MGST2: variants seen among roughly 807,000 people sequenced by gnomAD.
MGST2 encodes glutathione peroxidase MGST2.
In MGST2, 9 loss-of-function variants were observed where a neutral mutation model predicts 16.6. The observed-to-expected ratio is 0.54, with a 90% CI of 0.33 to 0.95. The LOEUF (loss-of-function observed/expected upper bound fraction) is 0.95. MGST2 is among the 40% of genes least tolerant of loss of function. The probability of loss-of-function intolerance (pLI) is 0.03; values close to 1 mark genes in which losing one functional copy is unlikely to be tolerated. For synonymous variants in MGST2, 79 were observed against 68.0 expected, an observed-to-expected ratio of 1.16 and a Z score of -0.79; for missense variants, 159 against 175.1, an observed-to-expected ratio of 0.91 and a Z score of 0.52.
intron 3 of MGST2, among the ~76,000 whole-genome samples, chr4:139,700,284 A>C (rs1727177145): frequency 6.6e-6 from 1 of 151,478 alleles, no homozygotes; most frequent in Non-Finnish European, 1.5e-5. Flanking sequence ...GGTGCCTGCC[A>C]CCACGCCCAG....
chr4:139,744,415 C>A (rs1729259638), downstream of MGST2, among the ~76,000 whole-genome samples: 1 of 152,184 alleles, frequency 6.6e-6, no homozygotes, highest in African/African-American at 2.4e-5. Context: ...TACCACCCCC[C>A]AGGAGCATGG....
At chr4:139,727,158 C>T (rs1470993363) in intron 5 of MGST2, among the ~76,000 whole-genome samples, 1 of 152,142 alleles carries the variant, frequency 6.6e-6, no homozygotes, top group Non-Finnish European at 1.5e-5. Flanking sequence ...TTCTTTTTCT[C>T]TTTCTCTACA....
chr4:139,746,087 A>G, the MGST2 span, among the ~76,000 whole-genome samples: 1 of 152,244 alleles, frequency 6.6e-6, no homozygotes, highest in African/African-American at 2.4e-5. Flanking sequence ...CTTCATAACA[A>G]ATGTGATAAC....
At chr4:139,743,985 T>C (rs1729239671), downstream of MGST2, among the ~76,000 whole-genome samples, 1 of 152,204 alleles carries the variant, frequency 6.6e-6, no homozygotes, top group South Asian at 2.1e-4. Flanking sequence ...GCCATGGTCA[T>C]TGTCACTAAC....
the MGST2 span, among the ~76,000 whole-genome samples, chr4:139,752,403 A>C: frequency 6.6e-6 from 1 of 151,804 alleles, no homozygotes; most frequent in Non-Finnish European, 1.5e-5. Context: ...GGCGGACCCA[A>C]CTCCTCTTCC....
chr4:139,666,154 G>C, intron 1 of MGST2, 77 bp downstream of exon 1: 1 of 1,418,508 alleles, frequency 7.0e-7, no homozygotes. Flanking sequence ...GCGGGAGAGA[G>C]AGGGAGGGAG....
At chr4:139,678,718 T>A in intron 2 of MGST2, 76 bp downstream of exon 2, 1 of 1,127,018 alleles carries the variant, frequency 8.9e-7, no homozygotes, top group Non-Finnish European at 1.3e-6. Flanking sequence ...GGGAAAGGGA[T>A]ATGGAGAAGA....
chr4:139,709,383 A>G (rs1477984718), intron 5 of MGST2, among the ~76,000 whole-genome samples: 1 of 152,072 alleles, frequency 6.6e-6, no homozygotes, highest in African/African-American at 2.4e-5. Context: ...ACGCCCGGCC[A>G]GACAATGGAA....
downstream of MGST2, among the ~76,000 whole-genome samples, chr4:139,704,601 A>G (rs1727445366): frequency 6.6e-6 from 1 of 152,198 alleles, no homozygotes; most frequent in East Asian, 1.9e-4. Context: ...CAGAGAAGGG[A>G]GTCATCAACT....
intron 2 of MGST2, among the ~76,000 whole-genome samples, chr4:139,682,317 G>T (rs2110833877): frequency 6.6e-6 from 1 of 152,276 alleles, no homozygotes; most frequent in Middle Eastern, 3.4e-3. Context: ...GGGTAAGTTG[G>T]GTGGTCTGTG....
In MGST2 at chr4:139,728,309, C is replaced by G. The variant is rs1466098668; in HGVS notation, c.*49-11903C>G. ...AATCTGCACCCTCCTCAGGTACAGG[C>G]AAGACGCTCCACTGACCTGGCTGGG... On this transcript the variant is annotated intron_variant, in intron 5 of 5. Coordinates refer to the MGST2 transcript ENST00000616265. 7.9e-5 allele frequency among the ~76,000 whole-genome samples: 12 copies of G among 152,304 alleles called. No individual in the cohort carries two copies. The East Asian group carries it at 2.3e-3, about 29-fold the overall frequency.
At chr4:139,720,252 C>T in intron 5 of MGST2, 1 of 1,600,652 alleles carries the variant, frequency 6.2e-7, no homozygotes, top group Non-Finnish European at 8.5e-7. Flanking sequence ...GCGTTCTGTG[C>T]CATCAGCCGT....
rs969448878 is a variant in MGST2 at position 139,735,758 on chromosome 4, G to T, written c.*49-4454G>T. 1.1e-4 allele frequency among the ~76,000 whole-genome samples: 16 copies of T among 152,206 alleles called. No individual in the cohort carries two copies. Among genetic ancestry groups the T allele is most frequent in the Non-Finnish European group, 2.1e-4 (14 of 68,026 alleles). On this transcript the variant is annotated intron_variant, in intron 5 of 5. Transcript: ENST00000616265. The surrounding 1 kb of genome is among the most constrained non-coding windows in gnomAD (Gnocchi z 5.8). ...CAGGGGACTCCGGCTAGGAAGTCAGGAGTGGGGCCCGTGCGTCCCCGGCAG... is the reference window on the plus strand; with the variant it reads ...CAGGGGACTCCGGCTAGGAAGTCAGTAGTGGGGCCCGTGCGTCCCCGGCAG...
chr4:139,679,013 C>T lies in MGST2; in HGVS notation c.158+371C>T, dbSNP rs556773980. On this transcript the variant is annotated intron_variant, in intron 2 of 4. Transcript: ENST00000265498. ...AATTTTCTATCTTATTTTTTCCTCC[C>T]TACTTCAAAACAGAGGTAGATCAGG... 227 of 257,120 alleles carry T rather than the reference C, an allele frequency of 8.8e-4. 1 individual carries two copies. The highest frequency in any genetic ancestry group is 1.2e-3 in the Non-Finnish European group (162 of 132,644). The allele number at this position is 257,120 out of a possible 1,614,324, so 15.9% of individuals were successfully genotyped here. A position where few individuals can be genotyped will look rare whatever the true frequency, so the allele number is the denominator to read the frequency against.
At chr4:139,716,714 G>A (rs529100694) in intron 5 of MGST2, 1 of 152,614 alleles carries the variant, frequency 6.6e-6, no homozygotes, top group Non-Finnish European at 1.5e-5. Context: ...ATTAAGATTG[G>A]AGCTCCAGTG....
the MGST2 span, among the ~76,000 whole-genome samples, chr4:139,750,464 C>A: frequency 6.6e-6 from 1 of 152,188 alleles, no homozygotes; most frequent in Non-Finnish European, 1.5e-5. Flanking sequence ...GCCTTTGGTG[C>A]AGTTTTGGGC....
At chr4:139,736,040 A>G (rs1728930211) in intron 5 of MGST2, among the ~76,000 whole-genome samples, 2 of 152,196 alleles carry the variant, frequency 1.3e-5, no homozygotes, top group African/African-American at 4.8e-5. Context: ...CGTGGCAGGA[A>G]AGAGTAAAAA....
At chr4:139,668,155 A>G (rs763374659) in intron 1 of MGST2, among the ~76,000 whole-genome samples, 15 of 152,190 alleles carry the variant, frequency 9.9e-5, no homozygotes, top group South Asian at 4.1e-4. Context: ...GCAATTGATT[A>G]AAAGAGTTTA....
At chr4:139,749,886 CCCCCCCCCACCCT>C in the MGST2 span, among the ~76,000 whole-genome samples, 1 of 63,056 alleles carries the variant, frequency 1.6e-5, no homozygotes, top group East Asian at 3.8e-4. Context: ...TGAATAAGAA[CCCCCCCCCACCCT>C]ATTCTGCCAA....
Sources: allele counts gnomAD v4.1 joint callset (sites outside exome capture counted in the v4.1 genomes callset), GRCh38; gene constraint gnomAD v4.1.1; non-coding constraint Gnocchi (gnomAD v3.1); transcripts MANE v1.5; gene names NCBI Gene and HGNC (gene_info 2026-07-23, HGNC 2026-07-21).